Variants in SERPINI1 observed in about 807,000 individuals in gnomAD.
SERPINI1 encodes neuroserpin.
A neutral mutation model predicts 41.1 loss-of-function variants in SERPINI1; 19 were observed. That is an observed-to-expected ratio of 0.46 (90% CI 0.32 to 0.68). SERPINI1 has a LOEUF of 0.68. Among genes scored for constraint, SERPINI1 ranks in the 30% least tolerant of loss-of-function variants. The pLI, the probability that SERPINI1 is intolerant of heterozygous loss-of-function variation, is 0.03. For missense variants in SERPINI1, 460 were observed against 479.2 expected, an observed-to-expected ratio of 0.96 and a Z score of 0.37; for synonymous variants, 138 against 156.6, an observed-to-expected ratio of 0.88 and a Z score of 0.89.
chr3:167,738,921 T>G (rs1008191444), intron 1 of SERPINI1, among the ~76,000 whole-genome samples: 4 of 151,710 alleles, frequency 2.6e-5, no homozygotes, highest in African/African-American at 4.8e-5. Flanking sequence ...TGAAACATTA[T>G]TTGGACAAAA....
chr3:167,772,864 C>CTCTCTCTATATA lies in SERPINI1; in HGVS notation c.-18-16246_-18-16245insCTCTCTATATAT, dbSNP rs1374013676. Among the ~76,000 whole-genome samples the CTCTCTCTATATA allele has an allele frequency of 4.4e-3, 108 of 24,572 alleles. 1 individual carries two copies. Among genetic ancestry groups the CTCTCTCTATATA allele is most frequent in the Middle Eastern group, 0.036 (1 of 28 alleles). 16.1% of individuals were successfully genotyped at this position (24,572 alleles called of 152,430 possible). A position where few individuals can be genotyped will look rare whatever the true frequency, so the allele number is the denominator to read the frequency against. ...TCTCTCTCTCTCTCTCTCTCTCTCTCTATATATATATATATATATATATAT... is the reference window on the plus strand; with the variant it reads ...TCTCTCTCTCTCTCTCTCTCTCTCTCTCTCTCTATATATATATATATATATATATATATATAT... On this transcript the variant is annotated intron_variant, in intron 1 of 8. Coordinates refer to ENST00000446050, the MANE Select transcript of SERPINI1 (RefSeq NM_001122752.2).
intron 1 of SERPINI1, among the ~76,000 whole-genome samples, chr3:167,739,567 A>G (rs937584416): frequency 6.6e-6 from 1 of 152,204 alleles, no homozygotes; most frequent in African/African-American, 2.4e-5. Context: ...GGAGTCTGCA[A>G]CTGGTGGCAC....
intron 1 of SERPINI1, among the ~76,000 whole-genome samples, chr3:167,756,266 A>G (rs1300811102): frequency 6.6e-6 from 1 of 152,060 alleles, no homozygotes; most frequent in Non-Finnish European, 1.5e-5. Context: ...TTTATTTCCC[A>G]TAATTTTACA....
In SERPINI1 at chr3:167,790,541, C is replaced by T; in HGVS notation, c.420C>T (p.Asp140=). Residue 140 remains aspartate (D), a synonymous_variant, in exon 3 of 9, where the codon GAC becomes GAT. Coordinates refer to ENST00000446050, the MANE Select transcript of SERPINI1 (RefSeq NM_001122752.2). ...KYFNAAVNHV[D]FSQNVAVANY... The stretch of plus-strand genomic sequence containing the variant: ...TTAATGCAGCAGTAAATCATGTGGA[C>T]TTCAGTCAAAATGTAGCCGTGGCCA... 2 of 1,613,942 alleles carry T rather than the reference C, an allele frequency of 1.2e-6. No homozygotes were observed. The highest frequency in any genetic ancestry group is 1.3e-5 in the African/African-American group (1 of 75,058).
intron 1 of SERPINI1, among the ~76,000 whole-genome samples, chr3:167,752,056 A>C (rs968723056): frequency 3.9e-5 from 6 of 152,150 alleles, no homozygotes; most frequent in African/African-American, 1.4e-4. Flanking sequence ...ATAAACATGC[A>C]TTGTGTTCCT....
chr3:167,785,394 G>C (rs1727273272), intron 1 of SERPINI1, among the ~76,000 whole-genome samples: 1 of 152,130 alleles, frequency 6.6e-6, no homozygotes, highest in South Asian at 2.1e-4. Context: ...TAGCCAACTT[G>C]GGACTTACAT....
intron 1 of SERPINI1, among the ~76,000 whole-genome samples, chr3:167,776,294 C>A (rs899602183): frequency 6.6e-6 from 1 of 152,210 alleles, no homozygotes; most frequent in Non-Finnish European, 1.5e-5. Context: ...CATTCATTGG[C>A]AAGTACAAAT....
intron 1 of SERPINI1, among the ~76,000 whole-genome samples, chr3:167,779,107 T>A (rs1382985299): frequency 1.3e-5 from 2 of 152,236 alleles, no homozygotes; most frequent in Non-Finnish European, 1.5e-5. Context: ...AATGATTAAG[T>A]GATTAAGAAA....
intron 7 of SERPINI1, 45 bp downstream of exon 7, chr3:167,823,117 T>G (rs1024753325): frequency 7.5e-7 from 1 of 1,334,224 alleles, no homozygotes; most frequent in African/African-American, 1.4e-5. Context: ...ATTTGTATTT[T>G]TAGAGCAATC....
At chr3:167,800,202 A>T (rs539317000) in intron 5 of SERPINI1, 5 of 152,210 alleles carry the variant, frequency 3.3e-5, no homozygotes, top group Non-Finnish European at 7.3e-5. Context: ...CTAAGATTTA[A>T]ATAAGATTGC....
At position 167,795,193 on chromosome 3, in the gene SERPINI1, T is replaced by G. The variant is rs1430598068; in HGVS notation, c.881+369T>G. Reference sequence around the variant, plus strand: ...ATTTGCATTGACAGTCTTCTGTATTTTATTAACACTTAAGATTGATTATGA... The same window carrying G: ...ATTTGCATTGACAGTCTTCTGTATTGTATTAACACTTAAGATTGATTATGA... On this transcript the variant is annotated intron_variant, in intron 5 of 8. Transcript: ENST00000446050. Among the ~76,000 whole-genome samples, 3 of 152,162 alleles carry G rather than the reference T, an allele frequency of 2.0e-5. No individual in the cohort carries two copies. In the East Asian group the frequency reaches 5.8e-4, roughly 29 times the overall value.
chr3:167,756,879 C>T (rs1460941144), intron 1 of SERPINI1, among the ~76,000 whole-genome samples: 2 of 152,140 alleles, frequency 1.3e-5, no homozygotes, highest in South Asian at 2.1e-4. Flanking sequence ...ATGTATTCTG[C>T]GTCTCAGCTG....
chr3:167,767,814 G>T (rs1275374421), intron 1 of SERPINI1, among the ~76,000 whole-genome samples: 1 of 152,108 alleles, frequency 6.6e-6, no homozygotes, highest in Non-Finnish European at 1.5e-5. Context: ...AACTCGAATT[G>T]GAGCCTGAAG....
chr3:167,811,557 AG>A (rs1560016437), intron 6 of SERPINI1, among the ~76,000 whole-genome samples: 1 of 152,200 alleles, frequency 6.6e-6, no homozygotes, highest in Non-Finnish European at 1.5e-5. Context: ...ACAATATCTT[AG>A]AAAGTGATAA....
At chr3:167,824,588 T>G (rs1712453490) in intron 8 of SERPINI1, 26 bp downstream of exon 8, 1 of 1,457,458 alleles carries the variant, frequency 6.9e-7, no homozygotes, top group African/African-American at 1.4e-5. Context: ...AAACAAAATT[T>G]TATTTAATAG....
intron 1 of SERPINI1, among the ~76,000 whole-genome samples, chr3:167,747,974 G>A (rs1725916707): frequency 6.6e-6 from 1 of 151,104 alleles, no homozygotes; most frequent in Non-Finnish European, 1.5e-5. Flanking sequence ...CAAGGAAAAA[G>A]CCTAAGCAAC....
chr3:167,768,826 C>T (rs551615981), intron 1 of SERPINI1, among the ~76,000 whole-genome samples: 1 of 152,246 alleles, frequency 6.6e-6, no homozygotes, highest in African/African-American at 2.4e-5. Flanking sequence ...TACCATGATC[C>T]GCATAGGAAA....
intron 5 of SERPINI1, among the ~76,000 whole-genome samples, chr3:167,795,964 A>T (rs73173072): frequency 0.022 from 3,418 of 152,268 alleles, 71 homozygotes; most frequent in South Asian, 0.037. Flanking sequence ...TATGTACGTG[A>T]AAGTACAGTT....
At chr3:167,739,470 C>A (rs959276781) in intron 1 of SERPINI1, among the ~76,000 whole-genome samples, 4 of 152,186 alleles carry the variant, frequency 2.6e-5, no homozygotes, top group African/African-American at 9.7e-5. Flanking sequence ...ATTGGATTCA[C>A]ACTGTGTGCG....
Sources: allele counts gnomAD v4.1 joint callset (sites outside exome capture counted in the v4.1 genomes callset), GRCh38; gene constraint gnomAD v4.1.1; transcripts MANE v1.5; gene names NCBI Gene and HGNC (gene_info 2026-07-23, HGNC 2026-07-21).